NDUFAF2: variants seen among roughly 807,000 people sequenced by gnomAD.
The protein encoded by NDUFAF2 is NADH dehydrogenase [ubiquinone] 1 alpha subcomplex assembly factor 2.
Under a neutral mutation model 22.8 loss-of-function variants are expected in NDUFAF2, and 13 were observed. The observed-to-expected ratio is 0.57, with a 90% CI of 0.37 to 0.91. The LOEUF (loss-of-function observed/expected upper bound fraction) is 0.91, where lower values mean the gene tolerates loss of function less well. Ranked by LOEUF, NDUFAF2 falls within the 40% of genes least tolerant of loss-of-function variation. NDUFAF2 has a pLI of 0.01. For synonymous variants in NDUFAF2, 53 were observed against 64.2 expected (o/e 0.83, Z 0.84); for missense variants, 162 against 195.2 (o/e 0.83, Z 1.01).
At chr5:61,145,424 C>G (rs570909988) in intron 3 of NDUFAF2, among the ~76,000 whole-genome samples, 1 of 152,038 alleles carries the variant, frequency 6.6e-6, no homozygotes, top group African/African-American at 2.4e-5. Flanking sequence ...AAATTTTGAC[C>G]AGAAAAATAT....
At chr5:60,976,996 A>G (rs1251615879) in intron 1 of NDUFAF2, among the ~76,000 whole-genome samples, 2 of 152,200 alleles carry the variant, frequency 1.3e-5, no homozygotes, top group Admixed American at 6.5e-5. Context: ...TTTAATTAAT[A>G]GACTTTATTT....
chr5:61,129,810 A>T (rs1561573811), intron 3 of NDUFAF2, among the ~76,000 whole-genome samples: 1 of 152,036 alleles, frequency 6.6e-6, no homozygotes, highest in South Asian at 2.1e-4. Context: ...AAAAGTACTT[A>T]TAAGTAAAAA....
At position 61,136,005 on chromosome 5, in the gene NDUFAF2, TTA is replaced by T. The variant is rs57756292; in HGVS notation, c.259-16663_259-16662del. Among the ~76,000 whole-genome samples, 575 of 95,956 alleles carry T rather than the reference TTA, an allele frequency of 6.0e-3. 24 individuals carry two copies. Among genetic ancestry groups the T allele is most frequent in the African/African-American group, 0.017 (317 of 18,280 alleles). 63.0% of individuals were successfully genotyped at this position (95,956 alleles called of 152,430 possible). On this transcript the variant is annotated intron_variant, in intron 3 of 3. Coordinates refer to ENST00000296597, the MANE Select transcript of NDUFAF2 (RefSeq NM_174889.5). The stretch of plus-strand genomic sequence containing the variant: ...TTGGTCCCTACATCTAAGCCTGTCT[TTA>T]TATATATATATATATATATATATAT...
At chr5:60,953,904 G>A (rs1277222028) in intron 1 of NDUFAF2, among the ~76,000 whole-genome samples, 2 of 152,082 alleles carry the variant, frequency 1.3e-5, no homozygotes, top group African/African-American at 4.8e-5. Context: ...AAAATTATTT[G>A]AGATAGTCAC....
At chr5:61,070,916 A>G (rs1463326410) in intron 1 of NDUFAF2, among the ~76,000 whole-genome samples, 1 of 111,876 alleles carries the variant, frequency 8.9e-6, no homozygotes, top group East Asian at 4.6e-4. Context: ...TTTCCTTTCT[A>G]TAACTATTAC....
intron 1 of NDUFAF2, among the ~76,000 whole-genome samples, chr5:60,957,589 A>T (rs1387505235): frequency 6.6e-6 from 1 of 151,244 alleles, no homozygotes; most frequent in East Asian, 1.9e-4. Context: ...CCCTCCTTAG[A>T]TGTCTTTTGC....
At chr5:61,041,245 A>G (rs1228835726) in intron 1 of NDUFAF2, among the ~76,000 whole-genome samples, 2 of 152,200 alleles carry the variant, frequency 1.3e-5, no homozygotes, top group African/African-American at 4.8e-5. Flanking sequence ...ACCATCAAGT[A>G]ATATTCTTAT....
At chr5:61,135,675 G>A (rs1484549745) in intron 3 of NDUFAF2, among the ~76,000 whole-genome samples, 6 of 152,092 alleles carry the variant, frequency 3.9e-5, no homozygotes, top group African/African-American at 7.2e-5. Context: ...AAAGCATACC[G>A]AAGTTTGAGA....
chr5:61,149,604 A>G (rs1167335172), intron 3 of NDUFAF2, among the ~76,000 whole-genome samples: 4 of 152,222 alleles, frequency 2.6e-5, no homozygotes, highest in Non-Finnish European at 5.9e-5. Context: ...TAAATGTTAA[A>G]GAAAAATATT....
chr5:61,055,634 T>C (rs1416593204), intron 1 of NDUFAF2, among the ~76,000 whole-genome samples: 11 of 152,164 alleles, frequency 7.2e-5, no homozygotes, highest in African/African-American at 2.7e-4. Context: ...AATAGTTAGG[T>C]TGTTCTGCAG....
chr5:61,065,768 C>T (rs1203250270), intron 1 of NDUFAF2, among the ~76,000 whole-genome samples: 1 of 151,982 alleles, frequency 6.6e-6, no homozygotes, highest in Admixed American at 6.6e-5. Flanking sequence ...GAAAACGTTT[C>T]CACTGAGATC....
intron 2 of NDUFAF2, among the ~76,000 whole-genome samples, chr5:61,090,856 T>C (rs534523442): frequency 1.3e-5 from 2 of 152,014 alleles, no homozygotes; most frequent in African/African-American, 4.8e-5. Flanking sequence ...CACCCTCCAA[T>C]AGGCTTCAGT....
chr5:60,969,880 C>T (rs1474546636), intron 1 of NDUFAF2, among the ~76,000 whole-genome samples: 1 of 152,032 alleles, frequency 6.6e-6, no homozygotes, highest in Non-Finnish European at 1.5e-5. Context: ...GTCTTTAGTC[C>T]ATTTTGATTT....
intron 2 of NDUFAF2, among the ~76,000 whole-genome samples, chr5:61,086,742 A>G (rs1435849775): frequency 6.6e-6 from 1 of 152,140 alleles, no homozygotes; most frequent in East Asian, 1.9e-4. Context: ...ATAGGACCCT[A>G]AAACACAAAC....
intron 1 of NDUFAF2, among the ~76,000 whole-genome samples, chr5:61,031,588 A>G (rs1395793833): frequency 6.6e-6 from 1 of 151,680 alleles, no homozygotes; most frequent in African/African-American, 2.4e-5. Flanking sequence ...TCCATGATAT[A>G]TAAAATGGTA....
chr5:60,991,302 C>T (rs1315101859), intron 1 of NDUFAF2, among the ~76,000 whole-genome samples: 3 of 152,060 alleles, frequency 2.0e-5, no homozygotes, highest in Non-Finnish European at 4.4e-5. Flanking sequence ...TTTTCTTATA[C>T]ATTTATACTT....
intron 1 of NDUFAF2, among the ~76,000 whole-genome samples, chr5:61,039,748 AC>A (rs1751848279): frequency 6.6e-6 from 1 of 152,228 alleles, no homozygotes; most frequent in Non-Finnish European, 1.5e-5. Context: ...CTTAGTAAGA[AC>A]CATAGCATCT....
chr5:61,021,782 A>T (rs1751586902), intron 1 of NDUFAF2, among the ~76,000 whole-genome samples: 1 of 152,140 alleles, frequency 6.6e-6, no homozygotes, highest in Non-Finnish European at 1.5e-5. Context: ...TTAGCATTTT[A>T]GTTTCCCTTT....
At chr5:61,023,065 G>A (rs1414412238) in intron 1 of NDUFAF2, among the ~76,000 whole-genome samples, 1 of 152,102 alleles carries the variant, frequency 6.6e-6, no homozygotes, top group African/African-American at 2.4e-5. Context: ...TGGCTCATCA[G>A]TTTTGGAAAA....
Sources: gnomAD v4.1 joint callset for allele counts (sites outside exome capture counted in the v4.1 genomes callset) on GRCh38, gnomAD v4.1.1 for gene constraint, MANE v1.5 for transcripts, NCBI Gene and HGNC (gene_info 2026-07-23, HGNC 2026-07-21) for gene names.